Variants in GRIK2 observed in about 807,000 individuals in gnomAD.
The protein encoded by GRIK2 is glutamate receptor ionotropic, kainate 2.
Under a neutral mutation model 100.3 loss-of-function variants are expected in GRIK2, and 32 were observed. That is an observed-to-expected ratio of 0.32 (90% CI 0.24 to 0.43). The LOEUF (loss-of-function observed/expected upper bound fraction) is 0.43. Among genes scored for constraint, GRIK2 ranks in the 20% least tolerant of loss-of-function variants. The pLI, the probability that GRIK2 is intolerant of heterozygous loss-of-function variation, is 1.00. For missense variants in GRIK2, 843 were observed against 1,114.9 expected (o/e 0.76, Z 3.47); for synonymous variants, 417 against 389.4 (o/e 1.07, Z -0.83).
At chr6:101,905,589 G>T (rs2072944179) in intron 12 of GRIK2, among the ~76,000 whole-genome samples, 1 of 151,414 alleles carries the variant, frequency 6.6e-6, no homozygotes, top group South Asian at 2.1e-4. Context: ...GCTAGATTGA[G>T]ATTATATAAA....
intron 4 of GRIK2, among the ~76,000 whole-genome samples, chr6:101,661,612 C>G (rs1363115183): frequency 6.6e-6 from 1 of 152,098 alleles, no homozygotes; most frequent in East Asian, 1.9e-4. Context: ...GTGTAGGAAC[C>G]TGAGGAATCT....
intron 2 of GRIK2, among the ~76,000 whole-genome samples, chr6:101,465,916 T>C (rs1771621248): frequency 6.6e-6 from 1 of 152,170 alleles, no homozygotes; most frequent in Admixed American, 6.5e-5. Context: ...TGAGTGCTGT[T>C]TTGACTAGAG....
At chr6:101,863,163 G>T (rs1015997040) in intron 11 of GRIK2, among the ~76,000 whole-genome samples, 1 of 151,996 alleles carries the variant, frequency 6.6e-6, no homozygotes, top group African/African-American at 2.4e-5. Context: ...TATACTTCCT[G>T]CCTTTAATAT....
chr6:101,622,201 C>T (rs925472407), intron 3 of GRIK2, 85 bp downstream of exon 3: 5 of 761,278 alleles, frequency 6.6e-6, no homozygotes, highest in Non-Finnish European at 6.6e-6. Flanking sequence ...TTTCAACATA[C>T]AGTTAATAAG....
At chr6:101,593,566 C>G (rs1778778176) in intron 2 of GRIK2, among the ~76,000 whole-genome samples, 1 of 151,846 alleles carries the variant, frequency 6.6e-6, no homozygotes, top group Admixed American at 6.6e-5. Context: ...TTATAAACTT[C>G]TTCAAGCTAC....
intron 7 of GRIK2, among the ~76,000 whole-genome samples, chr6:101,739,898 G>T (rs1040150703): frequency 3.9e-4 from 60 of 152,014 alleles, no homozygotes; most frequent in Non-Finnish European, 7.2e-4. Flanking sequence ...TAAATCTGTG[G>T]TTTTGGAGCA....
chr6:101,519,806 T>A (rs1774780798), intron 2 of GRIK2, among the ~76,000 whole-genome samples: 1 of 152,176 alleles, frequency 6.6e-6, no homozygotes, highest in Non-Finnish European at 1.5e-5. Context: ...GTGGAACCAG[T>A]TAAACTGAGT....
At chr6:101,642,423 C>CACCAT (rs1330732605) in intron 4 of GRIK2, among the ~76,000 whole-genome samples, 3 of 151,682 alleles carry the variant, frequency 2.0e-5, no homozygotes, top group Admixed American at 1.3e-4. Flanking sequence ...CTCCAGAAAC[C>CACCAT]ACCATTCTAC....
At chr6:101,484,645 T>C (rs1772720761) in intron 2 of GRIK2, among the ~76,000 whole-genome samples, 1 of 151,978 alleles carries the variant, frequency 6.6e-6, no homozygotes, top group South Asian at 2.1e-4. Context: ...TAAGATAATA[T>C]TGAAGCAACC....
chr6:101,464,734 A>T (rs1225437723), intron 2 of GRIK2, among the ~76,000 whole-genome samples: 1 of 151,634 alleles, frequency 6.6e-6, no homozygotes, highest in Admixed American at 6.6e-5. Flanking sequence ...GTTAGCCAGG[A>T]TGGCCTCAAT....
chr6:101,446,543 A>G (rs1182786394), intron 2 of GRIK2, among the ~76,000 whole-genome samples: 1 of 151,830 alleles, frequency 6.6e-6, no homozygotes, highest in Non-Finnish European at 1.5e-5. Flanking sequence ...TAGTAGCATA[A>G]AATTGTCATC....
chr6:101,833,176 C>A (rs200027818), intron 10 of GRIK2, among the ~76,000 whole-genome samples: 44,621 of 151,674 alleles, frequency 0.29, 9,237 homozygotes, highest in East Asian at 0.67. Context: ...ATTATATGCC[C>A]TTTGGTGAGA....
At position 101,799,742 on chromosome 6, in the gene GRIK2, G is replaced by A; in HGVS notation, c.1046G>A (p.Arg349Gln). The A allele has an allele frequency of 6.2e-7, 1 of 1,613,438 alleles. No homozygotes were observed. The highest frequency in any genetic ancestry group is 8.5e-7 in the Non-Finnish European group (1 of 1,179,530). ...ACAGTCAGTTCCTTGCAGTGTAATC[G>A]ACATAAACCCTGGCGCTTCGGGACC... Reference protein sequence around the residue: ...QMTVSSLQCNRHKPWRFGTRF... With the variant: ...QMTVSSLQCNQHKPWRFGTRF... Residue 349 changes from arginine (R) to glutamine (Q), a missense_variant, in exon 8 of 17, where the codon CGA becomes CAA. Physicochemically the swap from Arg to Gln is conservative, Grantham distance 43. Around this residue, in one of 3 missense-constraint regions of GRIK2, gnomAD observed 519 missense variants for 643.8 expected, o/e 0.81. Transcript: ENST00000369134.
intron 14 of GRIK2, among the ~76,000 whole-genome samples, chr6:101,992,080 T>TAATAATAAA (rs1794406302): frequency 6.6e-6 from 1 of 151,626 alleles, no homozygotes; most frequent in Non-Finnish European, 1.5e-5. Context: ...TTGCAATAAC[T>TAATAATAAA]GAAGTATTTA....
chr6:101,915,412 A>G (rs1934675), intron 12 of GRIK2, among the ~76,000 whole-genome samples: 3,073 of 151,540 alleles, frequency 0.02, 106 homozygotes, highest in African/African-American at 0.071. Context: ...GCAAACAAAT[A>G]ATAAAACCTA....
chr6:101,552,596 T>C (rs534064059), intron 2 of GRIK2, among the ~76,000 whole-genome samples: 7 of 152,312 alleles, frequency 4.6e-5, no homozygotes, highest in Admixed American at 3.9e-4. Flanking sequence ...CATGGCATTA[T>C]ATATGGGTGG....
intron 4 of GRIK2, among the ~76,000 whole-genome samples, chr6:101,661,611 C>A (rs930597112): frequency 6.6e-6 from 1 of 152,042 alleles, no homozygotes; most frequent in African/African-American, 2.4e-5. Context: ...GGTGTAGGAA[C>A]CTGAGGAATC....
At chr6:101,414,505 G>C (rs1776024777) in intron 2 of GRIK2, among the ~76,000 whole-genome samples, 1 of 152,120 alleles carries the variant, frequency 6.6e-6, no homozygotes, top group African/African-American at 2.4e-5. Context: ...AGTCCCCAAA[G>C]CAAAAACAAA....
rs185435561 is a variant in GRIK2 at position 101,587,104 on chromosome 6, T to C, written c.116-34845T>C. On this transcript the variant is annotated intron_variant, in intron 2 of 16. Coordinates refer to ENST00000369134, the MANE Select transcript of GRIK2 (RefSeq NM_021956.5). Reference sequence around the variant, plus strand: ...ATTGATATGTATAAAAACTAAGAAATGTAAATAAAAATAGGGTTTTAAAAA... The same window carrying C: ...ATTGATATGTATAAAAACTAAGAAACGTAAATAAAAATAGGGTTTTAAAAA... Among the ~76,000 whole-genome samples the C allele has an allele frequency of 5.7e-3, 854 of 150,486 alleles. 11 individuals are homozygous for C. Among genetic ancestry groups the C allele is most frequent in the African/African-American group, 0.02 (821 of 40,956 alleles).
Sources: gnomAD v4.1 joint callset for allele counts (sites outside exome capture counted in the v4.1 genomes callset) on GRCh38, gnomAD v4.1.1 for gene constraint, gnomAD v4.1.1 regional missense constraint, MANE v1.5 for transcripts, NCBI Gene and HGNC (gene_info 2026-07-23, HGNC 2026-07-21) for gene names.